Variants in RBFOX1 observed in about 807,000 individuals in gnomAD.
RBFOX1 encodes RNA binding protein fox-1 homolog 1.
RBFOX1 carries 8 observed loss-of-function variants against 57.7 expected under a neutral mutation model. The ratio of observed to expected loss-of-function variants is 0.14; its 90% confidence interval spans 0.08 to 0.25. The LOEUF (loss-of-function observed/expected upper bound fraction) is 0.25. Ranked by LOEUF, RBFOX1 falls within the 10% of genes least tolerant of loss-of-function variation. The pLI, the probability that RBFOX1 is intolerant of heterozygous loss-of-function variation, is 1.00. For missense variants in RBFOX1, 611 were observed against 548.5 expected (o/e 1.11, Z -1.14); for synonymous variants, 326 against 222.4 (o/e 1.47, Z -4.15).
At chr16:5,952,975 T>C (rs2059550517) in intron 4 of RBFOX1, among the ~76,000 whole-genome samples, 1 of 152,178 alleles carries the variant, frequency 6.6e-6, no homozygotes, top group African/African-American at 2.4e-5. Flanking sequence ...CAGATGTTAA[T>C]ATTATCACTA....
At position 6,574,728 on chromosome 16, in the gene RBFOX1, G is replaced by A. The variant is rs145796016; in HGVS notation, c.-63-79875G>A. Among the ~76,000 whole-genome samples, 655 of 137,316 alleles carry A rather than the reference G, an allele frequency of 4.8e-3. 4 individuals carry two copies. Among genetic ancestry groups the A allele is most frequent in the African/African-American group, 0.016 (616 of 38,194 alleles). The allele number at this position is 137,316 out of a possible 152,430, so 90.1% of individuals were successfully genotyped here. On this transcript the variant is annotated intron_variant, in intron 2 of 15. Transcript: ENST00000550418. ...CAGGCGTGACTACCGCGCCCGGCCC[G>A]TATCTTCTATTAAGAACCAGCAACC...
chr16:5,914,904 A>G (rs71392446), intron 4 of RBFOX1, among the ~76,000 whole-genome samples: 1 of 151,888 alleles, frequency 6.6e-6, no homozygotes, highest in Non-Finnish European at 1.5e-5. Flanking sequence ...CAAAAACAAA[A>G]CAAAACAAAA....
At chr16:6,861,823 G>GTTTTTTTTTTTTTTTTTTTTTTTTTT (rs35138717) in intron 3 of RBFOX1, among the ~76,000 whole-genome samples, 13 of 92,462 alleles carry the variant, frequency 1.4e-4, no homozygotes, top group East Asian at 7.2e-4. Flanking sequence ...GCGTCCCTTG[G>GTTTTTTTTTTTTTTTTTTTTTTTTTT]TTTTTTTTTT....
At chr16:5,522,348 A>G (rs544180844) in intron 2 of RBFOX1, among the ~76,000 whole-genome samples, 1 of 152,372 alleles carries the variant, frequency 6.6e-6, no homozygotes. Context: ...TTGCATACAT[A>G]CATAGGTCCT....
At chr16:5,470,876 A>G (rs1240129289) in intron 2 of RBFOX1, among the ~76,000 whole-genome samples, 3 of 151,940 alleles carry the variant, frequency 2.0e-5, no homozygotes, top group South Asian at 4.2e-4. Flanking sequence ...TCTGAGACGG[A>G]GTTTCGCTCT....
intron 4 of RBFOX1, among the ~76,000 whole-genome samples, chr16:7,112,170 C>G (rs562010326): frequency 2.8e-4 from 43 of 152,228 alleles, no homozygotes; most frequent in African/African-American, 9.9e-4. Context: ...ATCATACAAA[C>G]TTTGTTTTTC....
At chr16:6,901,880 C>T (rs746593347) in intron 3 of RBFOX1, among the ~76,000 whole-genome samples, 2 of 152,072 alleles carry the variant, frequency 1.3e-5, no homozygotes, top group East Asian at 1.9e-4. Context: ...CCCATGTGAG[C>T]CTAAGTGATG....
At chr16:6,655,037 G>A (rs1416862685) in intron 3 of RBFOX1, among the ~76,000 whole-genome samples, 1 of 151,160 alleles carries the variant, frequency 6.6e-6, no homozygotes, top group African/African-American at 2.4e-5. Flanking sequence ...ATAATATTAG[G>A]CTTCCCAGGG....
At chr16:5,486,291 A>G (rs2042626031) in intron 2 of RBFOX1, among the ~76,000 whole-genome samples, 1 of 152,214 alleles carries the variant, frequency 6.6e-6, no homozygotes, top group Non-Finnish European at 1.5e-5. Flanking sequence ...AGAAGAGAAC[A>G]TTTGGTGGGA....
chr16:5,811,755 A>G (rs1235157514), intron 3 of RBFOX1, among the ~76,000 whole-genome samples: 1 of 152,196 alleles, frequency 6.6e-6, no homozygotes, highest in African/African-American at 2.4e-5. Context: ...GGCCAGGACA[A>G]ACTATTTTTA....
chr16:6,536,045 C>T (rs927580614), intron 2 of RBFOX1, among the ~76,000 whole-genome samples: 3 of 152,116 alleles, frequency 2.0e-5, no homozygotes, highest in Non-Finnish European at 4.4e-5. Flanking sequence ...CTTTTCATGC[C>T]TTTGGGAATG....
At chr16:5,809,528 C>G (rs2055346912) in intron 3 of RBFOX1, among the ~76,000 whole-genome samples, 2 of 152,196 alleles carry the variant, frequency 1.3e-5, no homozygotes, top group Non-Finnish European at 2.9e-5. Context: ...TGAACAGACA[C>G]TTCTCAAAAG....
chr16:5,253,628 C>G (rs908934314), intron 1 of RBFOX1, among the ~76,000 whole-genome samples: 1 of 152,204 alleles, frequency 6.6e-6, no homozygotes, highest in Non-Finnish European at 1.5e-5. Flanking sequence ...ACCAATGAGC[C>G]TCATCCTGTG....
intron 4 of RBFOX1, among the ~76,000 whole-genome samples, chr16:7,366,291 G>A (rs1011730483): frequency 3.3e-5 from 5 of 152,240 alleles, no homozygotes; most frequent in Admixed American, 6.5e-5. Context: ...GTCAGAGAAT[G>A]TCACTTAGCC....
intron 1 of RBFOX1, among the ~76,000 whole-genome samples, chr16:5,374,356 G>A (rs2065935223): frequency 6.6e-6 from 1 of 152,250 alleles, no homozygotes; most frequent in Non-Finnish European, 1.5e-5. Flanking sequence ...CTCTCCCTGA[G>A]GAGATCAGGG....
chr16:7,366,852 G>C (rs1309344256), intron 4 of RBFOX1, among the ~76,000 whole-genome samples: 1 of 152,128 alleles, frequency 6.6e-6, no homozygotes, highest in Non-Finnish European at 1.5e-5. Context: ...GAAAGAATTA[G>C]AATATGAAGA....
At chr16:5,387,692 C>G (rs1288660873) in intron 1 of RBFOX1, among the ~76,000 whole-genome samples, 1 of 152,150 alleles carries the variant, frequency 6.6e-6, no homozygotes, top group Non-Finnish European at 1.5e-5. Context: ...TGGAATGTTT[C>G]CCCGAAATAA....
At chr16:5,883,276 A>G (rs886938383) in intron 4 of RBFOX1, among the ~76,000 whole-genome samples, 9 of 152,188 alleles carry the variant, frequency 5.9e-5, no homozygotes, top group Non-Finnish European at 1.3e-4. Context: ...TTTCAGATAT[A>G]TTTTAAAAAT....
At chr16:5,833,494 CAAAA>C (rs1183168830) in intron 3 of RBFOX1, among the ~76,000 whole-genome samples, 5 of 59,568 alleles carry the variant, frequency 8.4e-5, no homozygotes, top group Admixed American at 2.0e-4. Context: ...GACTCTATCT[CAAAA>C]AAAAAAAAAA....
Sources: allele counts gnomAD v4.1 joint callset (sites outside exome capture counted in the v4.1 genomes callset), GRCh38; gene constraint gnomAD v4.1.1; transcripts MANE v1.5; gene names NCBI Gene and HGNC (gene_info 2026-07-23, HGNC 2026-07-21).